C8orf34: variants seen among roughly 807,000 people sequenced by gnomAD.
C8orf34 encodes the protein chromosome 8 open reading frame 34.
Under a neutral mutation model 68.3 loss-of-function variants are expected in C8orf34, and 65 were observed. That is an observed-to-expected ratio of 0.95 (90% CI 0.78 to 1.17). C8orf34 has a LOEUF of 1.17. Ranked by LOEUF, C8orf34 falls within the 50% of genes most tolerant of loss-of-function variation. The pLI is 0.00. For missense variants in C8orf34, 664 were observed against 655.4 expected, an observed-to-expected ratio of 1.01 and a Z score of -0.14; for synonymous variants, 244 against 241.2, an observed-to-expected ratio of 1.01 and a Z score of -0.11.
chr8:68,642,046 G>A (rs1236434178), intron 8 of C8orf34, among the ~76,000 whole-genome samples: 1 of 152,122 alleles, frequency 6.6e-6, no homozygotes, highest in Non-Finnish European at 1.5e-5. Context: ...GAAAACTGAG[G>A]CATGTATTGA....
intron 8 of C8orf34, among the ~76,000 whole-genome samples, chr8:68,660,904 G>C (rs574186945): frequency 2.6e-4 from 40 of 152,166 alleles, no homozygotes; most frequent in African/African-American, 9.6e-4. Flanking sequence ...ACAAAAAGGG[G>C]GGGGAAAAAC....
intron 3 of C8orf34, among the ~76,000 whole-genome samples, chr8:68,462,701 T>C (rs1811901585): frequency 6.6e-6 from 1 of 151,808 alleles, no homozygotes; most frequent in Non-Finnish European, 1.5e-5. Context: ...ACTGGGTACA[T>C]AACAAAATGA....
In C8orf34 at chr8:68,776,406, C is replaced by G. The variant is rs762747214; in HGVS notation, c.1412C>G (p.Ala471Gly). The G allele has an allele frequency of 6.8e-6, 11 of 1,612,596 alleles. No homozygotes were observed. Among genetic ancestry groups the G allele is most frequent in the Non-Finnish European group, 9.3e-6 (11 of 1,178,866 alleles). The change falls in exon 11 of 14, where the codon GCC (alanine) becomes GGC (glycine). Residue 471 changes from alanine to glycine, a missense_variant. By Grantham distance (60) the Ala-to-Gly change is moderately conservative (BLOSUM62 0). Transcript: ENST00000518698. ...CTTCCTCTTTACTTCTAGGGAGAAG[C>G]CTCCAGTGGAGTAGGACACTCACTG... ...KASKLTGPGE[A>G]SSGVGHSLKN...
chr8:68,410,776 T>A (rs576723974), intron 1 of C8orf34, among the ~76,000 whole-genome samples: 1 of 152,198 alleles, frequency 6.6e-6, no homozygotes, highest in Non-Finnish European at 1.5e-5. Flanking sequence ...GCAGATGGCA[T>A]TGGAGAAAGG....
chr8:68,813,964 A>G (rs1307788873), intron 12 of C8orf34, among the ~76,000 whole-genome samples: 3 of 152,050 alleles, frequency 2.0e-5, no homozygotes, highest in Non-Finnish European at 2.9e-5. Flanking sequence ...ATAGCATCCA[A>G]CTCTAAAGTC....
At chr8:68,791,792 A>T (rs772742862) in intron 12 of C8orf34, 2 of 152,218 alleles carry the variant, frequency 1.3e-5, no homozygotes, top group African/African-American at 4.8e-5. Flanking sequence ...GGAGATTGAG[A>T]TGATGACACG....
intron 10 of C8orf34, among the ~76,000 whole-genome samples, chr8:68,774,148 T>C (rs1039451084): frequency 3.3e-5 from 5 of 151,846 alleles, no homozygotes; most frequent in Admixed American, 6.6e-5. Flanking sequence ...CTCTTACTCC[T>C]AACCACCCAG....
intron 10 of C8orf34, among the ~76,000 whole-genome samples, chr8:68,754,553 G>C (rs1364909967): frequency 6.6e-6 from 1 of 152,322 alleles, no homozygotes; most frequent in Admixed American, 6.5e-5. Context: ...CCTGGGCCTT[G>C]AATAAATCTA....
chr8:68,615,435 ATAGT>A (rs1246075499), intron 7 of C8orf34, among the ~76,000 whole-genome samples: 4 of 151,912 alleles, frequency 2.6e-5, no homozygotes, highest in Non-Finnish European at 5.9e-5. Context: ...TTTGTCATAG[ATAGT>A]TCTTGTTATT....
intron 5 of C8orf34, among the ~76,000 whole-genome samples, chr8:68,502,454 G>A (rs773897513): frequency 3.9e-5 from 6 of 152,172 alleles, no homozygotes; most frequent in Non-Finnish European, 7.3e-5. Context: ...GGGAAGAGTT[G>A]AGGATTTAAA....
chr8:68,481,121 C>T (rs867474366), intron 4 of C8orf34, among the ~76,000 whole-genome samples: 18 of 150,830 alleles, frequency 1.2e-4, no homozygotes, highest in African/African-American at 2.9e-4. Flanking sequence ...ATTGTGTGCA[C>T]GGGGTGCCCT....
chr8:68,489,278 G>C (rs1021761207), intron 5 of C8orf34, among the ~76,000 whole-genome samples: 1 of 152,148 alleles, frequency 6.6e-6, no homozygotes, highest in Non-Finnish European at 1.5e-5. Flanking sequence ...GGTGAATACT[G>C]CTCTAGATAT....
chr8:68,648,647 C>G (rs1036050565), intron 8 of C8orf34, among the ~76,000 whole-genome samples: 2 of 152,100 alleles, frequency 1.3e-5, no homozygotes, highest in African/African-American at 4.8e-5. Context: ...AAAAAGGGAG[C>G]CGAAAGCCAT....
intron 1 of C8orf34, among the ~76,000 whole-genome samples, chr8:68,390,241 C>T (rs1286501299): frequency 6.6e-6 from 1 of 152,098 alleles, no homozygotes; most frequent in Non-Finnish European, 1.5e-5. Context: ...TGGACAGCCC[C>T]TTAATGTGTT....
In C8orf34 at chr8:68,794,371, A is replaced by G. The variant is rs534316024; in HGVS notation, c.1549+6835A>G. On this transcript the variant is annotated intron_variant, in intron 12 of 13. Transcript: ENST00000518698. ...ATTTTTGTAGAAACAAGGTCTCGCT[A>G]TATTGCCCAGGCTGGTCTCGAACTC... is the stretch of plus-strand genomic sequence containing the variant. Among the ~76,000 whole-genome samples the G allele has an allele frequency of 4.3e-4, 58 of 134,998 alleles. 2 individuals carry two copies. Among genetic ancestry groups the G allele is most frequent in the Non-Finnish European group, 7.4e-4 (48 of 64,700 alleles). 88.6% of individuals were successfully genotyped at this position (134,998 alleles called of 152,430 possible).
chr8:68,445,730 C>G (rs1021135126), intron 2 of C8orf34, among the ~76,000 whole-genome samples: 1 of 152,078 alleles, frequency 6.6e-6, no homozygotes, highest in Non-Finnish European at 1.5e-5. Context: ...TGCTTTATTC[C>G]ATGACATTCA....
At chr8:68,815,198 G>A (rs936087551) in intron 12 of C8orf34, among the ~76,000 whole-genome samples, 15 of 152,046 alleles carry the variant, frequency 9.9e-5, no homozygotes, top group African/African-American at 3.6e-4. Flanking sequence ...AACTAGAATA[G>A]TCATGCCCCA....
At chr8:68,625,799 T>A (rs1333685667) in intron 7 of C8orf34, 17 of 498,420 alleles carry the variant, frequency 3.4e-5, no homozygotes, top group South Asian at 6.9e-5. Context: ...GATTCTTTTT[T>A]AATTTATTCC....
intron 7 of C8orf34, among the ~76,000 whole-genome samples, chr8:68,558,572 G>C (rs1816324785): frequency 6.6e-6 from 1 of 151,836 alleles, no homozygotes; most frequent in East Asian, 1.9e-4. Flanking sequence ...ATAGGAAAAG[G>C]ATGAAAGAGA....
Sources: gnomAD v4.1 joint callset for allele counts (sites outside exome capture counted in the v4.1 genomes callset) on GRCh38, gnomAD v4.1.1 for gene constraint, MANE v1.5 for transcripts, NCBI Gene and HGNC (gene_info 2026-07-23, HGNC 2026-07-21) for gene names.